The following TRIM5 variants were observed in gnomAD, a reference collection of about 807,000 sequenced individuals.
TRIM5 encodes the protein tripartite motif-containing protein 5.
A neutral mutation model predicts 35.6 loss-of-function variants in TRIM5; 31 were observed. The observed-to-expected ratio is 0.87, with a 90% confidence interval of 0.65 to 1.18. TRIM5 has a LOEUF of 1.18. Ranked by LOEUF, TRIM5 falls within the 50% of genes most tolerant of loss-of-function variation. TRIM5 has a pLI of 0.00. For missense variants in TRIM5, 609 were observed against 591.6 expected (o/e 1.03, Z -0.31); for synonymous variants, 243 against 215.6 (o/e 1.13, Z -1.11).
the TRIM5 span, chr11:5,610,813 A>G: frequency 1.2e-6 from 2 of 1,614,160 alleles, no homozygotes; most frequent in Non-Finnish European, 1.7e-6. Context: ...GCTAATTTAA[A>G]TCTTGTCCTG....
the TRIM5 span, chr11:5,605,040 G>T: frequency 1.3e-5 from 6 of 473,374 alleles, no homozygotes; most frequent in Non-Finnish European, 2.3e-5. Context: ...GAAATTGGAA[G>T]AGGAGGCTGA....
At chr11:5,652,979 A>C in the TRIM5 span, among the ~76,000 whole-genome samples, 1 of 151,744 alleles carries the variant, frequency 6.6e-6, no homozygotes, top group African/African-American at 2.4e-5. Flanking sequence ...CAGCCTCTCA[A>C]GTAGCTGGGA....
At chr11:5,610,270 T>C in the TRIM5 span, 1 of 1,613,540 alleles carries the variant, frequency 6.2e-7, no homozygotes, top group Non-Finnish European at 8.5e-7. Context: ...GGGAAAGAGT[T>C]TGGATGTGAA....
At chr11:5,605,423 G>T in the TRIM5 span, 227 of 1,614,180 alleles carry the variant, frequency 1.4e-4, no homozygotes, top group Non-Finnish European at 1.7e-4. Context: ...AACGGGAGCT[G>T]AAAAAGCTGG....
rs1025975907 is a variant in TRIM5 at position 5,680,104 on chromosome 11, G to T, written c.74C>A (p.Pro25His). 6.2e-7 allele frequency: 1 copy of T among 1,613,958 alleles called. No homozygotes were observed. Among genetic ancestry groups the T allele is most frequent in the Non-Finnish European group, 8.5e-7 (1 of 1,180,024 alleles). The change falls in exon 2 of 8, where the codon CCC (proline) becomes CAC (histidine). Residue 25 changes from proline (P) to histidine (H), a missense_variant. Physicochemically the swap from Pro to His is moderately conservative, Grantham distance 77. Transcript: ENST00000380034. The part of the protein sequence containing the change: ...CPICLELLTQ[P>H]LSLDCGHSFC... ...GCTGTGGCCGCAGTCCAGGCTCAGGGGTTGTGTCAGGAGTTCCAGGCAGAT... is the reference window on the plus strand; with the variant it reads ...GCTGTGGCCGCAGTCCAGGCTCAGGTGTTGTGTCAGGAGTTCCAGGCAGAT...
At chr11:5,603,913 T>G in the TRIM5 span, among the ~76,000 whole-genome samples, 1 of 152,064 alleles carries the variant, frequency 6.6e-6, no homozygotes, top group East Asian at 1.9e-4. Flanking sequence ...CCAGATTGAG[T>G]AGATAGAGCT....
At chr11:5,634,853 C>A in the TRIM5 span, 1 of 1,612,216 alleles carries the variant, frequency 6.2e-7, no homozygotes, top group Non-Finnish European at 8.5e-7. Context: ...AACAATGGAG[C>A]TGCTGCAGGT....
chr11:5,641,356 A>G, the TRIM5 span: 4 of 1,464,272 alleles, frequency 2.7e-6, no homozygotes, highest in Non-Finnish European at 3.6e-6. Context: ...AGTGTTCCGT[A>G]ACTATTAATG....
downstream of TRIM5, among the ~76,000 whole-genome samples, chr11:5,662,731 G>A (rs6578671): frequency 0.96 from 146,224 of 152,310 alleles, 70,380 homozygotes; most frequent in East Asian, 1. Flanking sequence ...CTTAGTTCTT[G>A]TATTTCTTCA....
chr11:5,663,087 T>G (rs1400963121), downstream of TRIM5: 4 of 346,040 alleles, frequency 1.2e-5, no homozygotes, highest in East Asian at 6.8e-4. Flanking sequence ...ATCGTGCCAT[T>G]GCACTCCAGC....
rs1851042852 is a variant in TRIM5, at chr11:5,665,273, C to A, written c.1018G>T (p.Val340Leu). The change falls in exon 8 of 8, where the codon GTG (valine) becomes TTG (leucine). Residue 340 changes from valine (V) to leucine (L), a missense_variant. Val to Leu is a conservative substitution (Grantham distance 32). Coordinates refer to ENST00000380034, the MANE Select transcript of TRIM5 (RefSeq NM_033034.3). ...GARGTRYQTF[V>L]NFNYCTGILG... Reference sequence around the variant, plus strand: ...ATGCCAGTACAATAATTGAAATTCACAAATGTCTGGTATCTTGTCCCTCGT... The same window carrying A: ...ATGCCAGTACAATAATTGAAATTCAAAAATGTCTGGTATCTTGTCCCTCGT... 6.2e-7 allele frequency: 1 copy of A among 1,614,134 alleles called. No individual in the cohort carries two copies. Among genetic ancestry groups the A allele is most frequent in the East Asian group, 2.2e-5 (1 of 44,884 alleles).
Position 5,665,009 on chromosome 11 carries a change from G to A in TRIM5, c.1282C>T (p.Pro428Ser), listed in dbSNP as rs1259150496. 5 of 1,614,014 alleles carry A rather than the reference G, an allele frequency of 3.1e-6. No individual in the cohort carries two copies. The Admixed American group carries it at 5.0e-5, about 16-fold the overall frequency. ...TCAGGACAAATAATCACAGAGAGGG[G>A]CACAATGAAAGGAACAGAAGGAGTA... is the stretch of plus-strand genomic sequence containing the variant. The part of the protein sequence containing the change: ...FHTPSVPFIV[P>S]LSVIICPDRV... The change falls in exon 8 of 8, where the codon CCC becomes TCC. Residue 428 changes from proline (P) to serine (S), a missense_variant. Transcript: ENST00000380034.
chr11:5,652,654 T>G, the TRIM5 span, among the ~76,000 whole-genome samples: 3 of 152,182 alleles, frequency 2.0e-5, no homozygotes, highest in Non-Finnish European at 4.4e-5. Context: ...TGGGTTCCTT[T>G]TTTTATTTCA....
the TRIM5 span, among the ~76,000 whole-genome samples, chr11:5,635,138 T>A: frequency 3.7e-4 from 56 of 152,326 alleles, no homozygotes; most frequent in East Asian, 7.1e-3. Flanking sequence ...TTCTCTTTAC[T>A]CTGGTTAGTC....
chr11:5,620,365 G>C, the TRIM5 span, among the ~76,000 whole-genome samples: 1 of 151,386 alleles, frequency 6.6e-6, no homozygotes, highest in East Asian at 2.0e-4. Context: ...TTTTAGTAGA[G>C]ACGGGGTTTC....
At chr11:5,660,318 A>C (rs1000685693), downstream of TRIM5, among the ~76,000 whole-genome samples, 3 of 152,124 alleles carry the variant, frequency 2.0e-5, no homozygotes, top group Non-Finnish European at 2.9e-5. Context: ...TTGTTAACTG[A>C]GTTTTTAGTG....
chr11:5,628,534 T>C, the TRIM5 span, among the ~76,000 whole-genome samples: 1 of 152,152 alleles, frequency 6.6e-6, no homozygotes, highest in Non-Finnish European at 1.5e-5. Context: ...CTTAAGGTCT[T>C]TTGATGGATG....
the TRIM5 span, among the ~76,000 whole-genome samples, chr11:5,601,234 C>T: frequency 1.3e-5 from 2 of 152,140 alleles, no homozygotes; most frequent in Admixed American, 6.5e-5. Context: ...TGTCTTTGGT[C>T]AAAGTTATGA....
the TRIM5 span, among the ~76,000 whole-genome samples, chr11:5,635,739 T>C: frequency 1.3e-5 from 2 of 152,268 alleles, no homozygotes; most frequent in African/African-American, 4.8e-5. Context: ...TTGCTTTGTC[T>C]CTGGTGCTTA....
Sources: allele counts gnomAD v4.1 joint callset (sites outside exome capture counted in the v4.1 genomes callset), GRCh38; gene constraint gnomAD v4.1.1; transcripts MANE v1.5; gene names NCBI Gene and HGNC (gene_info 2026-07-23, HGNC 2026-07-21).